The following MYO1D variants were observed in gnomAD, a reference collection of about 807,000 sequenced individuals.
The protein encoded by MYO1D is myosin ID, also known as unconventional myosin-Id.
In MYO1D, 83 loss-of-function variants were observed where a neutral mutation model predicts 122.0. The observed-to-expected ratio is 0.68, with a 90% confidence interval of 0.57 to 0.82. The LOEUF (loss-of-function observed/expected upper bound fraction) is 0.82. Ranked by LOEUF, MYO1D falls within the 40% of genes least tolerant of loss-of-function variation. MYO1D has a pLI of 0.00. For synonymous variants in MYO1D, 464 were observed against 446.9 expected (o/e 1.04, Z -0.48); for missense variants, 1,157 against 1,269.5 (o/e 0.91, Z 1.35).
chr17:32,525,208 T>G (rs1204261655), intron 21 of MYO1D, among the ~76,000 whole-genome samples: 1 of 152,260 alleles, frequency 6.6e-6, no homozygotes, highest in Admixed American at 6.5e-5. Flanking sequence ...GATAGTCCTC[T>G]GACCACTGCT....
intron 21 of MYO1D, among the ~76,000 whole-genome samples, chr17:32,598,146 G>A (rs1213663609): frequency 1.3e-5 from 2 of 152,146 alleles, no homozygotes; most frequent in South Asian, 2.1e-4. Flanking sequence ...GGCCAGGGCG[G>A]GTGGACTGCT....
chr17:32,739,442 A>G (rs1186085725), intron 13 of MYO1D, among the ~76,000 whole-genome samples: 1 of 143,414 alleles, frequency 7.0e-6, no homozygotes, highest in Non-Finnish European at 1.5e-5. Flanking sequence ...GAATTGAACA[A>G]TGAGAACACT....
At position 32,735,081 on chromosome 17, in the gene MYO1D, A is replaced by AACACACACAC. The variant is rs371150333; in HGVS notation, c.1746+3162_1746+3171dup. Among the ~76,000 whole-genome samples, 1,227 of 138,088 alleles carry AACACACACAC rather than the reference A, an allele frequency of 8.9e-3. 12 individuals are homozygous for AACACACACAC. Among genetic ancestry groups the AACACACACAC allele is most frequent in the Middle Eastern group, 0.022 (6 of 274 alleles). The allele number at this position is 138,088 out of a possible 152,430, so 90.6% of individuals were successfully genotyped here. On this transcript the variant is annotated intron_variant, in intron 14 of 21. Coordinates refer to ENST00000318217, the MANE Select transcript of MYO1D (RefSeq NM_015194.3). ...GGGCAACAAAGCAAGATTCCATCTG[A>AACACACACAC]ACACACACACACACACACACACACA...
At chr17:32,773,282 A>G (rs2090138201) in intron 4 of MYO1D, among the ~76,000 whole-genome samples, 1 of 151,966 alleles carries the variant, frequency 6.6e-6, no homozygotes, top group South Asian at 2.1e-4. Flanking sequence ...CCTTAATTTC[A>G]GTTCCTTTCC....
At chr17:32,503,494 G>A (rs1281605841) in intron 21 of MYO1D, among the ~76,000 whole-genome samples, 1 of 152,230 alleles carries the variant, frequency 6.6e-6, no homozygotes, top group African/African-American at 2.4e-5. Context: ...AAAATGCAGT[G>A]GAAGTGGGGT....
chr17:32,732,681 C>G (rs959747224), intron 14 of MYO1D, among the ~76,000 whole-genome samples: 2 of 152,198 alleles, frequency 1.3e-5, no homozygotes, highest in African/African-American at 4.8e-5. Context: ...GTATGCATAC[C>G]TCATTCTTCC....
chr17:32,509,109 G>T (rs909731203), intron 21 of MYO1D, among the ~76,000 whole-genome samples: 1 of 152,256 alleles, frequency 6.6e-6, no homozygotes, highest in African/African-American at 2.4e-5. Context: ...AGTGAGGCAA[G>T]TGAGGCGGAG....
At chr17:32,849,813 TA>T (rs11376691) in intron 1 of MYO1D, among the ~76,000 whole-genome samples, 2 of 151,590 alleles carry the variant, frequency 1.3e-5, no homozygotes, top group African/African-American at 4.8e-5. Flanking sequence ...TAAAGTATAA[TA>T]AAAAAAAATT....
chr17:32,663,318 G>C (rs1214878066), intron 16 of MYO1D, among the ~76,000 whole-genome samples: 1 of 152,128 alleles, frequency 6.6e-6, no homozygotes, highest in African/African-American at 2.4e-5. Flanking sequence ...TTCTTTCTCA[G>C]TCTGCCATTT....
At chr17:32,675,813 GT>G (rs918290633) in intron 16 of MYO1D, among the ~76,000 whole-genome samples, 3 of 152,008 alleles carry the variant, frequency 2.0e-5, no homozygotes, top group African/African-American at 7.2e-5. Context: ...TACAGAGGTT[GT>G]TTTTAAAAAA....
chr17:32,557,868 A>G (rs1339351379), intron 21 of MYO1D, among the ~76,000 whole-genome samples: 1 of 152,050 alleles, frequency 6.6e-6, no homozygotes, highest in African/African-American at 2.4e-5. Flanking sequence ...TTATGGGAAC[A>G]CAGCCACGCT....
chr17:32,524,124 A>G (rs891272271), intron 21 of MYO1D, among the ~76,000 whole-genome samples: 2 of 152,240 alleles, frequency 1.3e-5, no homozygotes, highest in African/African-American at 2.4e-5. Flanking sequence ...AATGGAATAA[A>G]AAAGTTGTTG....
chr17:32,534,192 G>A (rs765957952), intron 21 of MYO1D, among the ~76,000 whole-genome samples: 236 of 151,836 alleles, frequency 1.6e-3, no homozygotes, highest in Non-Finnish European at 2.9e-3. Context: ...TTAGAGATGG[G>A]GTCTCTCTCT....
At chr17:32,714,205 T>C (rs1313577903) in intron 15 of MYO1D, among the ~76,000 whole-genome samples, 1 of 152,102 alleles carries the variant, frequency 6.6e-6, no homozygotes, top group Non-Finnish European at 1.5e-5. Flanking sequence ...CTATTCTTCC[T>C]GATGATCTCC....
chr17:32,721,227 A>C, intron 14 of MYO1D, 38 bp from the exon 15 acceptor site: 1 of 1,597,430 alleles, frequency 6.3e-7, no homozygotes, highest in Non-Finnish European at 8.6e-7. Flanking sequence ...GTTTCACTGG[A>C]GAAAATTTCC....
intron 5 of MYO1D, 82 bp from the exon 6 acceptor site, chr17:32,771,302 C>A: frequency 1.0e-6 from 1 of 962,454 alleles, no homozygotes; most frequent in East Asian, 2.6e-5. Context: ...AGCTTTTATT[C>A]ATTTTCTGGG....
rs567906570 is a variant in MYO1D, at chr17:32,707,841, T to C, written c.2121+4147A>G. On this transcript the variant is annotated intron_variant, in intron 16 of 21. Coordinates refer to ENST00000318217, the MANE Select transcript of MYO1D (RefSeq NM_015194.3). ...AATGACCAGTTCCTGGTAAAAACTT[T>C]TGAGTACTGAGTCTCTAAGGAGCTC... 2.0e-4 allele frequency among the ~76,000 whole-genome samples: 30 copies of C among 152,332 alleles called. No individual in the cohort carries two copies. In the East Asian group the frequency reaches 2.9e-3, roughly 15 times the overall value.
intron 20 of MYO1D, among the ~76,000 whole-genome samples, chr17:32,606,477 T>C (rs1261023349): frequency 6.6e-6 from 1 of 152,086 alleles, no homozygotes; most frequent in Non-Finnish European, 1.5e-5. Context: ...AATCCAACAA[T>C]ACATAAAAAT....
At chr17:32,594,476 C>T in intron 21 of MYO1D, 1 of 485,718 alleles carries the variant, frequency 2.1e-6, no homozygotes, top group South Asian at 3.7e-5. Context: ...AGCCAGCATC[C>T]TCTTCATCTC....
Sources: gnomAD v4.1 joint callset for allele counts (sites outside exome capture counted in the v4.1 genomes callset) on GRCh38, gnomAD v4.1.1 for gene constraint, MANE v1.5 for transcripts, NCBI Gene and HGNC (gene_info 2026-07-23, HGNC 2026-07-21) for gene names.